The following SERTM1 variants were observed in gnomAD, a reference collection of about 807,000 sequenced individuals.
SERTM1 encodes the protein serine rich and transmembrane domain containing 1, also known as serine-rich and transmembrane domain-containing protein 1.
SERTM1 carries 1 observed loss-of-function variant against 5.5 expected under a neutral mutation model. That is an observed-to-expected ratio of 0.18 (90% confidence interval 0.06 to 0.86). The LOEUF (loss-of-function observed/expected upper bound fraction) is 0.86, where lower values mean the gene tolerates loss of function less well. Ranked by LOEUF, SERTM1 falls within the 40% of genes least tolerant of loss-of-function variation. The probability of loss-of-function intolerance (pLI) is 0.69; values close to 1 mark genes in which losing one functional copy is unlikely to be tolerated. For synonymous variants in SERTM1, 52 were observed against 55.1 expected (o/e 0.94, Z 0.25); for missense variants, 91 against 122.4 (o/e 0.74, Z 1.21).
At chr13:36,676,355 C>T (rs957656822) in intron 1 of SERTM1, among the ~76,000 whole-genome samples, 1 of 151,624 alleles carries the variant, frequency 6.6e-6, no homozygotes, top group East Asian at 1.9e-4. Context: ...ATTTGATGAT[C>T]GTTCTTCTCT....
intron 1 of SERTM1, among the ~76,000 whole-genome samples, chr13:36,691,775 C>T (rs1226282122): frequency 1.3e-5 from 2 of 152,104 alleles, no homozygotes; most frequent in Admixed American, 6.5e-5. Context: ...TTGGGAGCAA[C>T]AGCCCAAGAA....
intron 1 of SERTM1, among the ~76,000 whole-genome samples, chr13:36,677,252 T>G (rs1433823578): frequency 6.6e-6 from 1 of 152,240 alleles, no homozygotes; most frequent in South Asian, 2.1e-4. Context: ...AAAAGATGTC[T>G]GAGCCGTCAA....
intron 1 of SERTM1, among the ~76,000 whole-genome samples, chr13:36,684,344 G>A (rs917240283): frequency 6.6e-6 from 1 of 152,134 alleles, no homozygotes; most frequent in Non-Finnish European, 1.5e-5. Flanking sequence ...TAAAAAAGAT[G>A]ATGGGAGATA....
chr13:36,689,397 A>C (rs1225686517), intron 1 of SERTM1, among the ~76,000 whole-genome samples: 2 of 151,550 alleles, frequency 1.3e-5, no homozygotes, highest in Admixed American at 6.6e-5. Context: ...CCCCGCTACT[A>C]GGGAGGCTGA....
chr13:36,678,318 T>A (rs1008866945), intron 1 of SERTM1, among the ~76,000 whole-genome samples: 1 of 152,154 alleles, frequency 6.6e-6, no homozygotes, highest in Non-Finnish European at 1.5e-5. Context: ...TTTTGTTGTT[T>A]TTGCATCTAA....
chr13:36,679,918 C>T (rs1441375047), intron 1 of SERTM1, among the ~76,000 whole-genome samples: 2 of 152,062 alleles, frequency 1.3e-5, no homozygotes, highest in African/African-American at 4.8e-5. Context: ...GTTCAACGCA[C>T]ACAACTTTGT....
At chr13:36,680,671 A>T (rs897369681) in intron 1 of SERTM1, among the ~76,000 whole-genome samples, 1 of 151,448 alleles carries the variant, frequency 6.6e-6, no homozygotes, top group Admixed American at 6.6e-5. Flanking sequence ...TTCTATGAAA[A>T]TTTTTTTCTT....
At chr13:36,675,570 T>A (rs907132320) in intron 1 of SERTM1, among the ~76,000 whole-genome samples, 1 of 152,264 alleles carries the variant, frequency 6.6e-6, no homozygotes, top group Non-Finnish European at 1.5e-5. Flanking sequence ...GTGTCTCAGC[T>A]TATTTGTGAT....
chr13:36,682,754 C>G (rs548050389), intron 1 of SERTM1, among the ~76,000 whole-genome samples: 1 of 152,288 alleles, frequency 6.6e-6, no homozygotes, highest in South Asian at 2.1e-4. Flanking sequence ...CTCACTGTAG[C>G]TGGCAACTAT....
intron 1 of SERTM1, among the ~76,000 whole-genome samples, chr13:36,683,023 G>A (rs1450525209): frequency 6.6e-6 from 1 of 152,112 alleles, no homozygotes; most frequent in Admixed American, 6.5e-5. Flanking sequence ...AGCCTCCCAA[G>A]TAGCTAGTTT....
At chr13:36,682,814 C>T (rs1230678476) in intron 1 of SERTM1, among the ~76,000 whole-genome samples, 1 of 152,108 alleles carries the variant, frequency 6.6e-6, no homozygotes, top group Non-Finnish European at 1.5e-5. Context: ...ATATTCTACC[C>T]CTTCCTGTAC....
At chr13:36,676,116 A>G (rs1222291584) in intron 1 of SERTM1, among the ~76,000 whole-genome samples, 1 of 152,188 alleles carries the variant, frequency 6.6e-6, no homozygotes, top group East Asian at 1.9e-4. Flanking sequence ...TGCATGTGGC[A>G]TCAAATCCAC....
chr13:36,678,168 T>C (rs2056681229), intron 1 of SERTM1, among the ~76,000 whole-genome samples: 1 of 152,212 alleles, frequency 6.6e-6, no homozygotes, highest in African/African-American at 2.4e-5. Context: ...ACCTTTATTA[T>C]TTTTTCTGAT....
At chr13:36,689,023 C>T (rs993575717) in intron 1 of SERTM1, among the ~76,000 whole-genome samples, 2 of 152,024 alleles carry the variant, frequency 1.3e-5, no homozygotes, top group African/African-American at 2.4e-5. Context: ...TTGTAAACAC[C>T]ATAAAAGAAT....
At chr13:36,694,004 A>G (rs553989825) in intron 1 of SERTM1, among the ~76,000 whole-genome samples, 1 of 152,136 alleles carries the variant, frequency 6.6e-6, no homozygotes, top group African/African-American at 2.4e-5. Context: ...ACACCCACCC[A>G]TCCACCAAGT....
At chr13:36,679,879 T>G (rs1395003900) in intron 1 of SERTM1, among the ~76,000 whole-genome samples, 1 of 152,236 alleles carries the variant, frequency 6.6e-6, no homozygotes, top group Non-Finnish European at 1.5e-5. Context: ...CATGGGTGGC[T>G]AAGATAGTGA....
intron 1 of SERTM1, among the ~76,000 whole-genome samples, chr13:36,674,755 G>A (rs1428795399): frequency 2.0e-5 from 3 of 152,150 alleles, no homozygotes; most frequent in African/African-American, 7.2e-5. Context: ...ACCTGCTAAG[G>A]CGCTGGAGAG....
chr13:36,675,665 A>G (rs1032010989), intron 1 of SERTM1, among the ~76,000 whole-genome samples: 3 of 152,266 alleles, frequency 2.0e-5, no homozygotes, highest in East Asian at 1.9e-4. Context: ...TTCCCCCGCC[A>G]CCACCACACT....
At chr13:36,688,681 G>A (rs1251477642) in intron 1 of SERTM1, among the ~76,000 whole-genome samples, 11 of 152,188 alleles carry the variant, frequency 7.2e-5, no homozygotes, top group African/African-American at 2.4e-4. Context: ...GGAAAGAATT[G>A]ATCCCAAAAG....
Sources: gnomAD v4.1 joint callset for allele counts (sites outside exome capture counted in the v4.1 genomes callset) on GRCh38, gnomAD v4.1.1 for gene constraint, MANE v1.5 for transcripts, NCBI Gene and HGNC (gene_info 2026-07-23, HGNC 2026-07-21) for gene names.